The following LPIN1 variants were observed in gnomAD, a reference collection of about 807,000 sequenced individuals.
LPIN1 encodes the protein phosphatidate phosphatase LPIN1.
LPIN1 carries 71 observed loss-of-function variants against 107.5 expected under a neutral mutation model. The observed-to-expected ratio is 0.66, with a 90% CI of 0.55 to 0.80. LPIN1 has a LOEUF of 0.80. LPIN1 is among the 30% of genes least tolerant of loss of function. The pLI, the probability that LPIN1 is intolerant of heterozygous loss-of-function variation, is 0.00. For missense variants in LPIN1, 1,043 were observed against 1,160.6 expected (o/e 0.90, Z 1.47); for synonymous variants, 445 against 452.6 (o/e 0.98, Z 0.21).
rs1328735527 is a variant in LPIN1, at chr2:11,765,818, C to G, written c.192+85C>G. ...CTGGTGATGCCACCTGTCTTGAACT[C>G]TCAGACCCAGAGTTTTAGGTCTTCG... On this transcript the variant is annotated intron_variant, in intron 2 of 20. Coordinates refer to ENST00000674199, the MANE Select transcript of LPIN1 (RefSeq NM_001349206.2). This position sits in a 1 kb window ranked among gnomAD's most constrained non-coding sequence, Gnocchi z 4.4. 1.6e-6 allele frequency: 2 copies of G among 1,236,774 alleles called. No homozygotes were observed. Among genetic ancestry groups the G allele is most frequent in the Non-Finnish European group, 2.3e-6 (2 of 884,298 alleles). 76.6% of individuals were successfully genotyped at this position (1,236,774 alleles called of 1,614,324 possible).
chr2:11,775,553 A>G (rs970324201), intron 5 of LPIN1, among the ~76,000 whole-genome samples: 2 of 152,196 alleles, frequency 1.3e-5, no homozygotes, highest in Non-Finnish European at 2.9e-5. Context: ...GGAATTAGGT[A>G]TTTTCTGTAA....
Position 11,804,982 on chromosome 2 carries a change from G to GTT in LPIN1, c.2163-73_2163-72dup, listed in dbSNP as rs372751097. On this transcript the variant is annotated intron_variant, in intron 16 of 20. Coordinates refer to ENST00000674199, the MANE Select transcript of LPIN1 (RefSeq NM_001349206.2). ...AAAGAAAGTTGTGGGTCTTGTTTGT[G>GTT]TTTTTTTTTTTTTTTTATGAGGCAT... 5,487 of 696,406 alleles carry GTT rather than the reference G, an allele frequency of 7.9e-3. 57 individuals are homozygous for GTT. The highest frequency in any genetic ancestry group is 0.041 in the African/African-American group (2,086 of 50,428). 43.1% of individuals were successfully genotyped at this position (696,406 alleles called of 1,614,324 possible).
chr2:11,811,900 G>T (rs780504913), intron 17 of LPIN1, among the ~76,000 whole-genome samples: 1 of 152,122 alleles, frequency 6.6e-6, no homozygotes, highest in Admixed American at 6.5e-5. Flanking sequence ...CAGGAGAATC[G>T]CTTGAACCCG....
At chr2:11,747,677 A>C (rs1443911373) in intron 1 of LPIN1, among the ~76,000 whole-genome samples, 1 of 152,200 alleles carries the variant, frequency 6.6e-6, no homozygotes, top group Admixed American at 6.5e-5. Flanking sequence ...CTTATTAATG[A>C]AAGTAAGCAG....
At chr2:11,764,090 AT>A (rs1558838260) in intron 1 of LPIN1, 2 of 120,442 alleles carry the variant, frequency 1.7e-5, no homozygotes, top group African/African-American at 6.7e-5. Context: ...ATATATATAT[AT>A]ATATATATAT....
At chr2:11,726,694 A>G (rs1182544080) in intron 1 of LPIN1, among the ~76,000 whole-genome samples, 2 of 152,224 alleles carry the variant, frequency 1.3e-5, no homozygotes, top group African/African-American at 4.8e-5. Flanking sequence ...TTTTTTTAAA[A>G]TAAGCCATAG....
chr2:11,795,708 T>C (rs1676587702), intron 14 of LPIN1, among the ~76,000 whole-genome samples: 1 of 152,240 alleles, frequency 6.6e-6, no homozygotes, highest in African/African-American at 2.4e-5. Context: ...TGTGAGCCTT[T>C]AGTGAGATAA....
chr2:11,716,722 G>A (rs981272840), intron 2 of LPIN1, among the ~76,000 whole-genome samples: 3 of 152,240 alleles, frequency 2.0e-5, no homozygotes, highest in Admixed American at 6.5e-5. Context: ...TTTCTAAGAG[G>A]TCAAGCTCTT....
intron 1 of LPIN1, among the ~76,000 whole-genome samples, chr2:11,737,772 T>C (rs1665935024): frequency 6.6e-6 from 1 of 152,204 alleles, no homozygotes; most frequent in African/African-American, 2.4e-5. Flanking sequence ...ATAGGAACAC[T>C]TTTACACTGT....
At chr2:11,769,894 A>G (rs1226038444) in intron 3 of LPIN1, among the ~76,000 whole-genome samples, 1 of 152,232 alleles carries the variant, frequency 6.6e-6, no homozygotes, top group Non-Finnish European at 1.5e-5. Flanking sequence ...GCAAGTGTCC[A>G]TAATTGCAGC....
rs544719456 is a variant in LPIN1, at chr2:11,778,292, G to A, written c.831-1227G>A. ...CGAAAGAGAGCGTGCAGGCTGCCCC[G>A]TGGCAGCACGTCATTAGAAGGGCTG... On this transcript the variant is annotated intron_variant, in intron 6 of 20. Coordinates refer to ENST00000674199, the MANE Select transcript of LPIN1 (RefSeq NM_001349206.2). 5.9e-5 allele frequency among the ~76,000 whole-genome samples: 9 copies of A among 152,350 alleles called. No individual in the cohort carries two copies. The East Asian group carries it at 9.7e-4, about 16-fold the overall frequency.
chr2:11,790,645 A>T (rs188685859), intron 12 of LPIN1, among the ~76,000 whole-genome samples: 79 of 152,286 alleles, frequency 5.2e-4, no homozygotes, highest in African/African-American at 1.9e-3. Flanking sequence ...TGGCTACTGA[A>T]TTATCCCAGG....
At chr2:11,748,013 A>G (rs1429558609) in intron 1 of LPIN1, among the ~76,000 whole-genome samples, 2 of 152,230 alleles carry the variant, frequency 1.3e-5, no homozygotes, top group Non-Finnish European at 2.9e-5. Flanking sequence ...CTCGCTTATC[A>G]GCAGTTCCTT....
At chr2:11,701,521 A>C (rs1662873246) in intron 1 of LPIN1, among the ~76,000 whole-genome samples, 2 of 152,154 alleles carry the variant, frequency 1.3e-5, no homozygotes, top group Admixed American at 1.3e-4. Flanking sequence ...CTCAATACAA[A>C]TGAGTTAATG....
chr2:11,813,614 G>GT (rs1680060467), intron 17 of LPIN1, among the ~76,000 whole-genome samples: 1 of 151,960 alleles, frequency 6.6e-6, no homozygotes, highest in Non-Finnish European at 1.5e-5. Context: ...ATTTTTGATA[G>GT]TTAAAAAAAG....
At chr2:11,719,969 T>C (rs1049190981), upstream of LPIN1, among the ~76,000 whole-genome samples, 9 of 152,254 alleles carry the variant, frequency 5.9e-5, no homozygotes, top group African/African-American at 2.2e-4. Flanking sequence ...CATTTTGGTG[T>C]ATATTTCCAA....
chr2:11,779,287 C>G (rs923478776), intron 6 of LPIN1, among the ~76,000 whole-genome samples: 4 of 152,188 alleles, frequency 2.6e-5, no homozygotes, highest in South Asian at 2.1e-4. Context: ...CTCCTCTCCC[C>G]CGCGGTGCAC....
intron 1 of LPIN1, among the ~76,000 whole-genome samples, chr2:11,755,840 G>T (rs1668597057): frequency 2.0e-5 from 3 of 151,964 alleles, no homozygotes; most frequent in African/African-American, 2.4e-5. Flanking sequence ...TCCTGCCTCA[G>T]CCTCCTGAGT....
At chr2:11,696,715 ACGCTTCCGGCTT>A (rs1662600827) in intron 1 of LPIN1, among the ~76,000 whole-genome samples, 1 of 152,206 alleles carries the variant, frequency 6.6e-6, no homozygotes, top group Non-Finnish European at 1.5e-5. Flanking sequence ...AGATTTGGGC[ACGCTTCCGGCTT>A]TCAGGCCAAA....
Sources: allele counts gnomAD v4.1 joint callset (sites outside exome capture counted in the v4.1 genomes callset), GRCh38; gene constraint gnomAD v4.1.1; non-coding constraint Gnocchi (gnomAD v3.1); transcripts MANE v1.5; gene names NCBI Gene and HGNC (gene_info 2026-07-23, HGNC 2026-07-21).